ANKH: variants seen among roughly 807,000 people sequenced by gnomAD.
ANKH encodes the protein ANKH inorganic pyrophosphate transport regulator, also known as mineralization regulator ANKH.
In ANKH, 15 loss-of-function variants were observed where a neutral mutation model predicts 49.0. That is an observed-to-expected ratio of 0.31 (90% CI 0.20 to 0.47). The LOEUF (loss-of-function observed/expected upper bound fraction) is 0.47, where lower values mean the gene tolerates loss of function less well. Among genes scored for constraint, ANKH ranks in the 20% least tolerant of loss-of-function variants. The pLI, the probability that ANKH is intolerant of heterozygous loss-of-function variation, is 1.00. For missense variants in ANKH, 429 were observed against 652.0 expected (o/e 0.66, Z 3.72); for synonymous variants, 273 against 260.0 (o/e 1.05, Z -0.48).
intron 1 of ANKH, chr5:14,797,501 C>G: frequency 1.9e-6 from 3 of 1,611,322 alleles, no homozygotes; most frequent in Non-Finnish European, 2.5e-6. Flanking sequence ...TCAGATCCCA[C>G]AAGGCAACAG....
rs141634676 is a variant in ANKH at position 14,860,066 on chromosome 5, T to C, written c.96+11286A>G. Among the ~76,000 whole-genome samples the C allele has an allele frequency of 4.8e-3, 732 of 152,268 alleles. 7 individuals carry two copies. The highest frequency in any genetic ancestry group is 0.017 in the African/African-American group (697 of 41,570). Reference sequence around the variant, plus strand: ...TGCCCACGTTTAGGAGACAGCCCAATAGGCATGAGCCGCAGGTGGTGGAAT... The same window carrying C: ...TGCCCACGTTTAGGAGACAGCCCAACAGGCATGAGCCGCAGGTGGTGGAAT... On this transcript the variant is annotated intron_variant, in intron 1 of 11. Coordinates refer to ENST00000284268, the MANE Select transcript of ANKH (RefSeq NM_054027.6).
chr5:14,805,303 C>G (rs1367746465), intron 1 of ANKH, among the ~76,000 whole-genome samples: 2 of 151,570 alleles, frequency 1.3e-5, no homozygotes, highest in African/African-American at 4.8e-5. Flanking sequence ...CTCCTTGCTC[C>G]TCAGCTGGCA....
At chr5:14,862,844 T>C (rs558823949) in intron 1 of ANKH, among the ~76,000 whole-genome samples, 2 of 152,298 alleles carry the variant, frequency 1.3e-5, no homozygotes, top group East Asian at 3.9e-4. Flanking sequence ...TTCACTGCCA[T>C]TGGCCCTAGA....
chr5:14,797,289 C>T (rs1740419547), intron 1 of ANKH: 3 of 1,509,204 alleles, frequency 2.0e-6, no homozygotes, highest in Non-Finnish European at 2.8e-6. Flanking sequence ...AGTGTGACCA[C>T]CATGAATAAA....
chr5:14,792,735 G>A (rs1178683866), intron 1 of ANKH, among the ~76,000 whole-genome samples: 1 of 151,618 alleles, frequency 6.6e-6, no homozygotes, highest in Non-Finnish European at 1.5e-5. Context: ...AGCACTTTGG[G>A]AGGCCGAGAC....
Position 14,768,923 on chromosome 5 carries a change from G to A in ANKH, c.313+52C>T, listed in dbSNP as rs565754177. On this transcript the variant is annotated intron_variant, in intron 2 of 11. Transcript: ENST00000284268. ...ATAAATACATTTAAATCAATGAAAA[G>A]GAATAAGAAATTGCCAAAGCTAGAT... The A allele has an allele frequency of 1.3e-4, 206 of 1,542,184 alleles. No individual in the cohort carries two copies. In the Middle Eastern group the frequency reaches 1.6e-3, roughly 12 times the overall value.
In ANKH at chr5:14,745,921, C is replaced by T. The variant is rs1561035153; in HGVS notation, c.864G>A (p.Met288Ile). The change falls in exon 7 of 12, where the codon ATG becomes ATA. Residue 288 changes from methionine to isoleucine, a missense_variant. By Grantham distance (10) the Met-to-Ile change is conservative. This residue lies in a region of ANKH where 378 missense variants were observed against 615.3 expected (regional missense o/e 0.61). Coordinates refer to ENST00000284268, the MANE Select transcript of ANKH (RefSeq NM_054027.6). The surrounding 1 kb of genome is among the most constrained non-coding windows in gnomAD (Gnocchi z 4.7). Reference protein sequence around the residue: ...ILTATYPVGHMPYGWLTEIRA... With the variant: ...ILTATYPVGHIPYGWLTEIRA... ...GGATTTCCGTCAACCAGCCGTATGG[C>T]ATGTGACCCACAGGGTATGTGGCTG... The T allele has an allele frequency of 6.2e-7, 1 of 1,614,210 alleles. No homozygotes were observed.
intron 1 of ANKH, among the ~76,000 whole-genome samples, chr5:14,816,385 T>C (rs1741037395): frequency 1.3e-5 from 2 of 152,182 alleles, no homozygotes; most frequent in African/African-American, 4.8e-5. Context: ...TTCAAATTGT[T>C]GTGTGGATGA....
At chr5:14,746,541 A>C (rs1738549993) in intron 6 of ANKH, among the ~76,000 whole-genome samples, 1 of 152,228 alleles carries the variant, frequency 6.6e-6, no homozygotes, top group African/African-American at 2.4e-5. Flanking sequence ...ACTTTGGAGC[A>C]GTTTAGGGAG....
At chr5:14,768,657 C>T (rs76549217) in intron 2 of ANKH, 8,601 of 439,470 alleles carry the variant, frequency 0.02, 120 homozygotes, top group Non-Finnish European at 0.029. Flanking sequence ...AGTACAATGA[C>T]GCACACATAT....
intron 8 of ANKH, among the ~76,000 whole-genome samples, chr5:14,731,619 A>T (rs16903671): frequency 0.03 from 4,569 of 152,260 alleles, 220 homozygotes; most frequent in African/African-American, 0.1. Context: ...AAACTGTGCA[A>T]GGTTCCCAGC....
chr5:14,766,237 A>AT (rs1328616170), intron 2 of ANKH, among the ~76,000 whole-genome samples: 3 of 148,098 alleles, frequency 2.0e-5, no homozygotes, highest in African/African-American at 5.0e-5. Flanking sequence ...ACAAAAAAAA[A>AT]ATATAAAAAT....
intron 1 of ANKH, among the ~76,000 whole-genome samples, chr5:14,824,599 T>C (rs1400245584): frequency 1.3e-5 from 2 of 152,138 alleles, no homozygotes; most frequent in Non-Finnish European, 2.9e-5. Flanking sequence ...CAGTAATAAA[T>C]AAAATGAACA....
intron 2 of ANKH, among the ~76,000 whole-genome samples, chr5:14,767,242 C>G (rs76515861): frequency 2.6e-5 from 4 of 152,224 alleles, no homozygotes; most frequent in African/African-American, 9.6e-5. Flanking sequence ...AGATGCCCGA[C>G]GTAGCAGATG....
At chr5:14,716,596 A>G in intron 9 of ANKH, 110 bp downstream of exon 9, 2 of 1,466,872 alleles carry the variant, frequency 1.4e-6, no homozygotes, top group South Asian at 2.4e-5. Flanking sequence ...TCTAAGCCAC[A>G]GTGAAATTTT....
chr5:14,767,363 A>T (rs918297595), intron 2 of ANKH, among the ~76,000 whole-genome samples: 2 of 152,206 alleles, frequency 1.3e-5, no homozygotes, highest in Admixed American at 1.3e-4. Flanking sequence ...AAAGAAATTC[A>T]TATGTGCTTT....
chr5:14,745,676 G>A lies in ANKH; in HGVS notation c.915+194C>T, dbSNP rs77233121. On this transcript the variant is annotated intron_variant, in intron 7 of 11. Transcript: ENST00000284268. This position sits in a 1 kb window ranked among gnomAD's most constrained non-coding sequence, Gnocchi z 4.7. Reference sequence around the variant, plus strand: ...ACTTTGGAAAAGCATCCTGGGATCAGCGTCAAAGGTAAGCTTCAACTTGCC... The same window carrying A: ...ACTTTGGAAAAGCATCCTGGGATCAACGTCAAAGGTAAGCTTCAACTTGCC... 1.3e-3 allele frequency among the ~76,000 whole-genome samples: 196 copies of A among 152,342 alleles called. 2 individuals are homozygous for A. The highest frequency in any genetic ancestry group is 4.5e-3 in the African/African-American group (188 of 41,580).
intron 1 of ANKH, among the ~76,000 whole-genome samples, chr5:14,821,516 G>A (rs1203854063): frequency 2.0e-5 from 3 of 152,194 alleles, no homozygotes; most frequent in Non-Finnish European, 2.9e-5. Context: ...AACACTGACC[G>A]TTTTTGGTAA....
At chr5:14,735,889 T>G (rs1350488032) in intron 8 of ANKH, among the ~76,000 whole-genome samples, 1 of 152,074 alleles carries the variant, frequency 6.6e-6, no homozygotes, top group Non-Finnish European at 1.5e-5. Flanking sequence ...GCGAATCCTA[T>G]TCAACCCATA....
Sources: allele counts gnomAD v4.1 joint callset (sites outside exome capture counted in the v4.1 genomes callset), GRCh38; gene constraint gnomAD v4.1.1; regional missense constraint gnomAD v4.1.1; non-coding constraint Gnocchi (gnomAD v3.1); transcripts MANE v1.5; gene names NCBI Gene and HGNC (gene_info 2026-07-23, HGNC 2026-07-21).